The following MLH3 variants were observed in gnomAD, a reference collection of about 807,000 sequenced individuals.
MLH3 encodes the protein DNA mismatch repair protein Mlh3.
In MLH3, 82 loss-of-function variants were observed where a neutral mutation model predicts 122.2. The ratio of observed to expected loss-of-function variants is 0.67; its 90% CI spans 0.56 to 0.81. The LOEUF (loss-of-function observed/expected upper bound fraction) is 0.81. Among genes scored for constraint, MLH3 ranks in the 30% least tolerant of loss-of-function variants. The pLI is 0.00. For synonymous variants in MLH3, 524 were observed against 599.5 expected (o/e 0.87, Z 1.84); for missense variants, 1,539 against 1,714.5 (o/e 0.90, Z 1.81).
rs1056332694 is a variant in MLH3 at position 75,014,984 on chromosome 14, G to A, written c.*2098C>T. On this transcript the variant is annotated 3_prime_UTR_variant, in exon 13 of 13. Coordinates refer to ENST00000355774, the MANE Select transcript of MLH3 (RefSeq NM_001040108.2). ...AACTAGGTTCCTAAGAGGAACCTTC[G>A]TTTCCCACTTTGTAAAATGGTGATA... 15 of 179,102 alleles carry A rather than the reference G, an allele frequency of 8.4e-5. No individual in the cohort carries two copies. Among genetic ancestry groups the A allele is most frequent in the African/African-American group, 2.6e-4 (11 of 42,306 alleles). The allele number at this position is 179,102 out of a possible 1,614,324, so 11.1% of individuals were successfully genotyped here. A position where few individuals can be genotyped will look rare whatever the true frequency, so the allele number is the denominator to read the frequency against.
intron 9 of MLH3, among the ~76,000 whole-genome samples, chr14:75,029,723 T>C (rs1198300746): frequency 2.6e-5 from 4 of 152,146 alleles, no homozygotes; most frequent in African/African-American, 7.2e-5. Context: ...TTAGTAGAGA[T>C]GGGGTTTTTC....
In MLH3 at chr14:75,047,583, A is replaced by G; in HGVS notation, c.2073T>C (p.Tyr691=). The change falls in exon 2 of 13, where the codon TAT becomes TAC. Residue 691 remains tyrosine, a synonymous_variant. Transcript: ENST00000355774. ...YGLENEPTAT[Y]TMFSAFQEGS... ...CTTCCTGAAAAGCAGAAAACATTGT[A>G]TAAGTTGCTGTAGGTTCATTCTCTA... is the stretch of plus-strand genomic sequence containing the variant. The G allele has an allele frequency of 1.2e-6, 2 of 1,614,076 alleles. No homozygotes were observed. The highest frequency in any genetic ancestry group is 1.7e-6 in the Non-Finnish European group (2 of 1,180,024).
chr14:75,046,063 C>T (rs1242370671), intron 2 of MLH3, among the ~76,000 whole-genome samples: 2 of 151,404 alleles, frequency 1.3e-5, no homozygotes, highest in Non-Finnish European at 2.9e-5. Context: ...TCTTGTAATC[C>T]AAGCTACACT....
At chr14:75,037,770 T>C (rs1232621478) in intron 6 of MLH3, among the ~76,000 whole-genome samples, 5 of 151,406 alleles carry the variant, frequency 3.3e-5, no homozygotes, top group African/African-American at 2.4e-5. Context: ...CTGGGCAATA[T>C]AGCGAGACCC....
intron 2 of MLH3, among the ~76,000 whole-genome samples, chr14:75,043,148 C>T (rs753247790): frequency 4.6e-5 from 7 of 152,128 alleles, no homozygotes; most frequent in Non-Finnish European, 1.0e-4. Context: ...ATAAAGGCCA[C>T]GGATGCTGCT....
In MLH3 at chr14:75,032,024, G is replaced by A. The variant is rs55761037; in HGVS notation, c.3827+44C>T. 2.2e-3 allele frequency: 2,548 copies of A among 1,169,720 alleles called. 39 individuals carry two copies. The African/African-American group carries it at 0.03, about 14-fold the overall frequency. The allele number at this position is 1,169,720 out of a possible 1,614,324, so 72.5% of individuals were successfully genotyped here. On this transcript the variant is annotated intron_variant, in intron 8 of 12. Coordinates refer to ENST00000355774, the MANE Select transcript of MLH3 (RefSeq NM_001040108.2). Reference sequence around the variant, plus strand: ...TGCTTATTCCTCACAGAATTATTGTGAGAATTGATACCATCAACATCACAT... The same window carrying A: ...TGCTTATTCCTCACAGAATTATTGTAAGAATTGATACCATCAACATCACAT...
intron 1 of MLH3, chr14:75,051,045 A>G (rs2273162): frequency 2.6e-5 from 4 of 152,298 alleles, no homozygotes; most frequent in Non-Finnish European, 5.9e-5. Flanking sequence ...ACGTTTAACA[A>G]GTATTCCGAT....
rs1175307848 is a variant in MLH3 at position 75,048,689 on chromosome 14, G to A, written c.967C>T (p.Pro323Ser). ...TGAAATTCAATCAGAGTTTTGGCTG[G>A]CTCCATGCACACATCATACTCACAG... is the stretch of plus-strand genomic sequence containing the variant. ...QFCEYDVCME[P>S]AKTLIEFQNW... Residue 323 changes from proline to serine, a missense_variant, in exon 2 of 13, where the codon CCA (proline) becomes TCA (serine). Transcript: ENST00000355774. The A allele has an allele frequency of 6.2e-7, 1 of 1,613,968 alleles. No homozygotes were observed. The highest frequency in any genetic ancestry group is 2.2e-5 in the East Asian group (1 of 44,890).
rs552058654 is a variant in MLH3, at chr14:75,041,568, G to T, written c.3465+47C>A. On this transcript the variant is annotated intron_variant, in intron 4 of 12. Transcript: ENST00000355774. ...CATCTCAAAATTTAAAAAATAAGAA[G>T]AAGAAGAAGAAAAAAAAAAGGCAAA... The T allele has an allele frequency of 1.7e-5, 24 of 1,423,544 alleles. No homozygotes were observed. In the South Asian group the frequency reaches 2.8e-4, roughly 16 times the overall value. 88.2% of individuals were successfully genotyped at this position (1,423,544 alleles called of 1,614,324 possible).
chr14:75,030,679 T>G lies in MLH3; in HGVS notation c.3851A>C (p.Asp1284Ala). Residue 1284 changes from aspartate to alanine, a missense_variant, in exon 9 of 13, where the codon GAT becomes GCT. By Grantham distance (126) the Asp-to-Ala change is moderately radical. Transcript: ENST00000355774. Reference protein sequence around the residue: ...LLWCYHKNLEDLGLEFVFPDT... With the variant: ...LLWCYHKNLEALGLEFVFPDT... ...TGGAAATACAAATTCAAGGCCCAGA[T>G]CTTCCAGATTTTTGTGGTAACACCT... 6.2e-7 allele frequency: 1 copy of G among 1,613,936 alleles called. No individual in the cohort carries two copies. Among genetic ancestry groups the G allele is most frequent in the Non-Finnish European group, 8.5e-7 (1 of 1,179,928 alleles).
intron 11 of MLH3, among the ~76,000 whole-genome samples, chr14:75,021,026 G>A (rs1286839353): frequency 2.0e-5 from 3 of 152,086 alleles, no homozygotes; most frequent in African/African-American, 4.8e-5. Context: ...ACAGGTGCCC[G>A]CCACCACGCC....
Position 75,048,062 on chromosome 14 carries a change from T to C in MLH3, c.1594A>G (p.Thr532Ala). Residue 532 changes from threonine to alanine, a missense_variant, in exon 2 of 13, where the codon ACT (threonine) becomes GCT (alanine). By Grantham distance (58) the Thr-to-Ala change is moderately conservative (BLOSUM62 0). Coordinates refer to ENST00000355774, the MANE Select transcript of MLH3 (RefSeq NM_001040108.2). Reference sequence around the variant, plus strand: ...TTGGCAGCCATGCCATTAACAGTAGTACTTTCTTTCCATATTTCTAGATCC... The same window carrying C: ...TTGGCAGCCATGCCATTAACAGTAGCACTTTCTTTCCATATTTCTAGATCC... ...GQDLEIWKES[T>A]TVNGMAANIL... is the part of the protein sequence containing the mutation. The C allele has an allele frequency of 6.2e-7, 1 of 1,614,096 alleles. No homozygotes were observed. Among genetic ancestry groups the C allele is most frequent in the East Asian group, 2.2e-5 (1 of 44,876 alleles).
intron 7 of MLH3, 70 bp from the exon 8 acceptor site, chr14:75,032,249 A>C: frequency 3.3e-6 from 3 of 912,570 alleles, no homozygotes; most frequent in Non-Finnish European, 5.5e-6. Flanking sequence ...AAAATAAAGC[A>C]CGGCCTTGAG....
chr14:75,035,537 C>A (rs4026175), intron 6 of MLH3, among the ~76,000 whole-genome samples: 50,676 of 151,898 alleles, frequency 0.33, 10,341 homozygotes, highest in East Asian at 0.64. Context: ...ACAACAACAA[C>A]AAAAAACTAT....
At chr14:75,036,431 C>T (rs747298721) in intron 6 of MLH3, among the ~76,000 whole-genome samples, 8 of 151,952 alleles carry the variant, frequency 5.3e-5, no homozygotes, top group Non-Finnish European at 1.0e-4. Context: ...CTGCAACCTC[C>T]GCCTCCCGGG....
intron 9 of MLH3, among the ~76,000 whole-genome samples, chr14:75,029,195 T>C (rs1022474357): frequency 7.5e-5 from 11 of 147,028 alleles, no homozygotes; most frequent in Non-Finnish European, 1.7e-4. Flanking sequence ...AAGAAAATCA[T>C]AAGAAACAGA....
In MLH3 at chr14:75,014,619, C is replaced by T. The variant is rs1418276623; in HGVS notation, c.*2463G>A. The T allele has an allele frequency of 4.9e-6, 1 of 204,290 alleles. No individual in the cohort carries two copies. The highest frequency in any genetic ancestry group is 1.0e-5 in the Non-Finnish European group (1 of 99,576). The allele number at this position is 204,290 out of a possible 1,614,324, so 12.7% of individuals were successfully genotyped here. Reference sequence around the variant, plus strand: ...AAGCTAAGCCTCTTGAAGGTAGAGACAGCCATAGGAACCTTCACTTCTCAA... The same window carrying T: ...AAGCTAAGCCTCTTGAAGGTAGAGATAGCCATAGGAACCTTCACTTCTCAA... On this transcript the variant is annotated 3_prime_UTR_variant, in exon 13 of 13. Coordinates refer to ENST00000355774, the MANE Select transcript of MLH3 (RefSeq NM_001040108.2).
intron 9 of MLH3, among the ~76,000 whole-genome samples, chr14:75,024,168 ATTTTTATTTTATTTTTTATT>A: frequency 6.6e-6 from 1 of 152,212 alleles, no homozygotes; most frequent in African/African-American, 2.4e-5. Context: ...ATAATTTAAT[ATTTTTATTTTATTTTTTATT>A]TATTTATTTA....
chr14:75,047,910 C>A lies in MLH3; in HGVS notation c.1746G>T (p.Glu582Asp), dbSNP rs1232891918. ...WGVHSAQTEK[E>D]KKKESSNCGR... ...CACAATTGCTAGATTCTTTTTTTTTCTCTTTCTCTGTCTGAGCACTATGTA... is the reference window on the plus strand; with the variant it reads ...CACAATTGCTAGATTCTTTTTTTTTATCTTTCTCTGTCTGAGCACTATGTA... The change falls in exon 2 of 13, where the codon GAG (glutamate) becomes GAT (aspartate). Residue 582 changes from glutamate to aspartate, a missense_variant. Physicochemically the swap from Glu to Asp is conservative, Grantham distance 45. Transcript: ENST00000355774. The A allele has an allele frequency of 6.2e-7, 1 of 1,609,206 alleles. No homozygotes were observed. The highest frequency in any genetic ancestry group is 8.5e-7 in the Non-Finnish European group (1 of 1,178,796).
Sources: allele counts gnomAD v4.1 joint callset (sites outside exome capture counted in the v4.1 genomes callset), GRCh38; gene constraint gnomAD v4.1.1; transcripts MANE v1.5; gene names NCBI Gene and HGNC (gene_info 2026-07-23, HGNC 2026-07-21).